Variants in DNAH10 observed in about 807,000 individuals in gnomAD.
The protein encoded by DNAH10 is axonemal beta dynein heavy chain 10.
A neutral mutation model predicts 506.6 loss-of-function variants in DNAH10; 348 were observed. The observed-to-expected ratio is 0.69, with a 90% CI of 0.63 to 0.75. DNAH10 has a LOEUF of 0.75. Ranked by LOEUF, DNAH10 falls within the 30% of genes least tolerant of loss-of-function variation. The probability of loss-of-function intolerance (pLI) is 0.00; values close to 1 mark genes in which losing one functional copy is unlikely to be tolerated. For missense variants in DNAH10, 5,179 were observed against 5,787.1 expected (o/e 0.89, Z 3.41); for synonymous variants, 2,059 against 2,198.6 (o/e 0.94, Z 1.78).
chr12:123,833,286 C>G lies in DNAH10; in HGVS notation c.4718C>G (p.Pro1573Arg). 1.2e-6 allele frequency: 2 copies of G among 1,613,830 alleles called. No individual in the cohort carries two copies. The highest frequency in any genetic ancestry group is 1.3e-5 in the African/African-American group (1 of 75,038). The change falls in exon 27 of 79, where the codon CCT becomes CGT. Residue 1573 changes from proline (P) to arginine (R), a missense_variant. Around this residue, in one of 3 missense-constraint regions of DNAH10, gnomAD observed 4,844 missense variants for 5,430.5 expected, o/e 0.89. Coordinates refer to ENST00000673944, the MANE Select transcript of DNAH10 (RefSeq NM_001372106.1). ...ATCTCAGGAAGCAGATTTGTGGGGCCTTTTCTGCAAACTGTTCACAAATGG... is the reference window on the plus strand; with the variant it reads ...ATCTCAGGAAGCAGATTTGTGGGGCGTTTTCTGCAAACTGTTCACAAATGG... ...QSISGSRFVGPFLQTVHKWEK... is the reference protein window; with the variant it reads ...QSISGSRFVGRFLQTVHKWEK...
intron 78 of DNAH10, 87 bp downstream of exon 78, chr12:123,934,853 C>A (rs888179935): frequency 6.5e-7 from 1 of 1,528,440 alleles, no homozygotes; most frequent in Admixed American, 2.0e-5. Flanking sequence ...AACAGTCCTA[C>A]TTTTTAAAAC....
intron 61 of DNAH10, 34 bp downstream of exon 61, chr12:123,914,584 G>C (rs770152380): frequency 1.3e-6 from 2 of 1,597,088 alleles, no homozygotes; most frequent in East Asian, 4.5e-5. Context: ...GGAGGGAGGG[G>C]ACACCTTAGC....
intron 28 of DNAH10, 66 bp from the exon 29 acceptor site, chr12:123,838,390 C>A: frequency 6.9e-7 from 1 of 1,439,692 alleles, no homozygotes; most frequent in Admixed American, 2.0e-5. Context: ...CTGTTCTGGG[C>A]TCAAGAACAG....
chr12:123,890,114 T>C (rs889673635), intron 52 of DNAH10, among the ~76,000 whole-genome samples: 1 of 152,194 alleles, frequency 6.6e-6, no homozygotes, highest in East Asian at 1.9e-4. Flanking sequence ...GGGCTTAGGA[T>C]GCCATGGACA....
chr12:123,912,280 G>A (rs191717005), intron 59 of DNAH10, among the ~76,000 whole-genome samples: 779 of 13,146 alleles, frequency 0.059, 59 homozygotes, highest in East Asian at 0.077. Flanking sequence ...GGTCTGTCCC[G>A]GGGGGGTCTG....
intron 65 of DNAH10, among the ~76,000 whole-genome samples, chr12:123,922,593 C>T (rs1351720194): frequency 6.6e-6 from 1 of 152,196 alleles, no homozygotes; most frequent in Admixed American, 6.5e-5. Flanking sequence ...ATACCACCGA[C>T]TGGGTGGCTT....
chr12:123,783,158 A>G lies in DNAH10; in HGVS notation c.893A>G (p.Asp298Gly). 6.2e-7 allele frequency: 1 copy of G among 1,614,170 alleles called. No individual in the cohort carries two copies. The change falls in exon 7 of 79, where the codon GAC (aspartate) becomes GGC (glycine). Residue 298 changes from aspartate to glycine, a missense_variant. Coordinates refer to ENST00000673944, the MANE Select transcript of DNAH10 (RefSeq NM_001372106.1). ...ATCAGTGTGGAGGGAGAGGTGTCTG[A>G]CCTGGCAGCTGACCCGGAAACCGTT... ...PIISVEGEVS[D>G]LAADPETVDI...
At chr12:123,839,764 G>A (rs965205677) in intron 29 of DNAH10, among the ~76,000 whole-genome samples, 2 of 148,752 alleles carry the variant, frequency 1.3e-5, no homozygotes, top group South Asian at 2.1e-4. Context: ...CCAGGTTCAC[G>A]CCATTCTCCT....
chr12:123,859,623 G>C (rs1951538277), intron 38 of DNAH10, among the ~76,000 whole-genome samples: 1 of 152,182 alleles, frequency 6.6e-6, no homozygotes, highest in Non-Finnish European at 1.5e-5. Flanking sequence ...ATGCAGTACT[G>C]CTGTGGTTTC....
rs1055214049 is a variant in DNAH10 at position 123,916,398 on chromosome 12, T to C, written c.10723-59T>C. ...CCACTTCCAAGCCATTCTCCCCTTA[T>C]ATTTGGCAGGGCCACAGTTAAACGT... On this transcript the variant is annotated intron_variant, in intron 62 of 78. Coordinates refer to ENST00000673944, the MANE Select transcript of DNAH10 (RefSeq NM_001372106.1). The surrounding 1 kb of genome is among the most constrained non-coding windows in gnomAD (Gnocchi z 4.6). 142 of 1,552,080 alleles carry C rather than the reference T, an allele frequency of 9.1e-5. No individual in the cohort carries two copies. The African/African-American group carries it at 1.6e-3, about 18-fold the overall frequency.
chr12:123,804,747 G>GAC, intron 17 of DNAH10, 86 bp from the exon 18 acceptor site: 1 of 1,396,960 alleles, frequency 7.2e-7, no homozygotes, highest in Non-Finnish European at 9.9e-7. Context: ...GTTTTTTTAA[G>GAC]ACACACAGCT....
chr12:123,780,946 A>G, intron 5 of DNAH10, 134 bp from the exon 6 acceptor site: 1 of 685,002 alleles, frequency 1.5e-6, no homozygotes, highest in Non-Finnish European at 2.2e-6. Context: ...CTGTCTCAAA[A>G]AAAAAAAAAA....
chr12:123,863,689 C>A (rs769012419), intron 39 of DNAH10, among the ~76,000 whole-genome samples: 21 of 152,210 alleles, frequency 1.4e-4, no homozygotes, highest in Non-Finnish European at 2.8e-4. Flanking sequence ...GATTAGGACT[C>A]ATCTGTATAA....
At position 123,801,289 on chromosome 12, in the gene DNAH10, C is replaced by T. The variant is rs1178414836; in HGVS notation, c.2471C>T (p.Ala824Val). 1 of 1,613,858 alleles carries T rather than the reference C, an allele frequency of 6.2e-7. No individual in the cohort carries two copies. Among genetic ancestry groups the T allele is most frequent in the South Asian group, 1.1e-5 (1 of 91,008 alleles). The change falls in exon 16 of 79, where the codon GCT (alanine) becomes GTT (valine). Residue 824 changes from alanine (A) to valine (V), a missense_variant. This residue lies in a region of DNAH10 where 4,844 missense variants were observed against 5,430.5 expected (regional missense o/e 0.89). Coordinates refer to ENST00000673944, the MANE Select transcript of DNAH10 (RefSeq NM_001372106.1). The part of the protein sequence containing the change: ...LQEDKFLRYT[A>V]GIQRMLDHYH... ...ATTCCTGTCATGTGCAGGTACACAG[C>T]TGGGATACAGCGCATGTTGGATCAT...
At chr12:123,881,404 A>T (rs1285732743) in intron 50 of DNAH10, among the ~76,000 whole-genome samples, 2 of 152,198 alleles carry the variant, frequency 1.3e-5, no homozygotes, top group Non-Finnish European at 2.9e-5. Flanking sequence ...ATGGCCAGTG[A>T]TGATGAGCAT....
At chr12:123,816,795 G>A (rs1205720708) in intron 21 of DNAH10, among the ~76,000 whole-genome samples, 3 of 152,172 alleles carry the variant, frequency 2.0e-5, no homozygotes, top group Non-Finnish European at 4.4e-5. Context: ...CATTTCTATT[G>A]AGTATAGGCC....
Position 123,846,515 on chromosome 12 carries a change from C to T in DNAH10, c.5814+361C>T, listed in dbSNP as rs1045004626. On this transcript the variant is annotated intron_variant, in intron 32 of 78. Transcript: ENST00000673944. The surrounding 1 kb of genome is among the most constrained non-coding windows in gnomAD (Gnocchi z 4.5). ...AGAATATATCCGTTCAAGTGAACGG[C>T]CTTGGATGATAGAGATAGTGTCTCC... Among the ~76,000 whole-genome samples, 11 of 152,268 alleles carry T rather than the reference C, an allele frequency of 7.2e-5. No homozygotes were observed. The Middle Eastern group carries it at 0.014, about 188-fold the overall frequency.
intron 30 of DNAH10, among the ~76,000 whole-genome samples, chr12:123,843,281 G>A (rs1456413525): frequency 6.6e-6 from 1 of 152,184 alleles, no homozygotes; most frequent in East Asian, 1.9e-4. Context: ...AGAAGTTAGG[G>A]CCAGCTGTAT....
intron 51 of DNAH10, among the ~76,000 whole-genome samples, chr12:123,883,589 A>T (rs1019176904): frequency 4.6e-5 from 7 of 152,146 alleles, no homozygotes; most frequent in Non-Finnish European, 1.0e-4. Context: ...CATGATACAC[A>T]TGCATGCTTA....
Sources: allele counts gnomAD v4.1 joint callset (sites outside exome capture counted in the v4.1 genomes callset), GRCh38; gene constraint gnomAD v4.1.1; regional missense constraint gnomAD v4.1.1; non-coding constraint Gnocchi (gnomAD v3.1); transcripts MANE v1.5; gene names NCBI Gene and HGNC (gene_info 2026-07-23, HGNC 2026-07-21).